Variants in TENM4 observed in about 807,000 individuals in gnomAD.
The protein encoded by TENM4 is teneurin-4.
In TENM4, 82 loss-of-function variants were observed where a neutral mutation model predicts 243.3. That is an observed-to-expected ratio of 0.34 (90% CI 0.28 to 0.40). The LOEUF (loss-of-function observed/expected upper bound fraction) is 0.40. Among genes scored for constraint, TENM4 ranks in the 10% least tolerant of loss-of-function variants. TENM4 has a pLI of 1.00. For synonymous variants in TENM4, 1,412 were observed against 1,456.3 expected, an observed-to-expected ratio of 0.97 and a Z score of 0.69; for missense variants, 3,138 against 3,673.3, an observed-to-expected ratio of 0.85 and a Z score of 3.77.
At chr11:79,355,255 A>G (rs1396290028) in intron 1 of TENM4, among the ~76,000 whole-genome samples, 1 of 152,180 alleles carries the variant, frequency 6.6e-6, no homozygotes, top group Non-Finnish European at 1.5e-5. Context: ...ACCCTCAGCC[A>G]GTCATGGTGA....
At chr11:79,364,125 C>A (rs374234240) in intron 1 of TENM4, among the ~76,000 whole-genome samples, 28 of 152,288 alleles carry the variant, frequency 1.8e-4, no homozygotes, top group African/African-American at 6.7e-4. Flanking sequence ...TAAGTTACAT[C>A]ATTGAGGAGA....
At chr11:78,666,849 G>A (rs1858170086) in intron 32 of TENM4, among the ~76,000 whole-genome samples, 1 of 152,214 alleles carries the variant, frequency 6.6e-6, no homozygotes, top group East Asian at 1.9e-4. Context: ...ATAGCATAGA[G>A]AGTTAGTCAT....
chr11:78,959,571 C>A (rs1379698839), intron 6 of TENM4, among the ~76,000 whole-genome samples: 1 of 152,066 alleles, frequency 6.6e-6, no homozygotes, highest in Non-Finnish European at 1.5e-5. Context: ...TGATCCCAAC[C>A]CCAGAGGAAC....
intron 6 of TENM4, among the ~76,000 whole-genome samples, chr11:79,043,488 G>C (rs1051173495): frequency 2.2e-4 from 33 of 152,178 alleles, no homozygotes; most frequent in African/African-American, 7.9e-4. Context: ...AGACTGTGTG[G>C]AACAAAGTCT....
At chr11:79,250,078 C>T (rs975355612) in intron 2 of TENM4, among the ~76,000 whole-genome samples, 5 of 152,144 alleles carry the variant, frequency 3.3e-5, no homozygotes, top group Non-Finnish European at 5.9e-5. Context: ...CTCTGTCTCC[C>T]CTGTTCAAGC....
At chr11:78,771,808 A>G (rs550915702) in intron 17 of TENM4, among the ~76,000 whole-genome samples, 20 of 152,310 alleles carry the variant, frequency 1.3e-4, no homozygotes, top group African/African-American at 4.8e-4. Context: ...GCCATTGTGA[A>G]ACACTAACTA....
chr11:79,141,524 G>A (rs1862284928), intron 4 of TENM4, among the ~76,000 whole-genome samples: 1 of 151,964 alleles, frequency 6.6e-6, no homozygotes, highest in Non-Finnish European at 1.5e-5. Context: ...AGAAAAGCCT[G>A]GGACCTGATG....
intron 6 of TENM4, among the ~76,000 whole-genome samples, chr11:79,038,157 C>G (rs191123358): frequency 2.0e-5 from 3 of 152,302 alleles, no homozygotes. Context: ...TAGGGCCTGC[C>G]TAGAGTAGGT....
At chr11:79,081,676 G>A (rs549205757) in intron 4 of TENM4, among the ~76,000 whole-genome samples, 129 of 152,258 alleles carry the variant, frequency 8.5e-4, no homozygotes, top group South Asian at 3.1e-3. Context: ...GGATGGAACT[G>A]GATCAAGCTC....
intron 1 of TENM4, among the ~76,000 whole-genome samples, chr11:79,306,450 G>A (rs1329917237): frequency 6.6e-6 from 1 of 152,204 alleles, no homozygotes; most frequent in Non-Finnish European, 1.5e-5. Flanking sequence ...GAGGGAAGGT[G>A]TGTGGGGAAA....
chr11:78,836,244 G>C (rs1406214115), intron 12 of TENM4, among the ~76,000 whole-genome samples: 1 of 152,202 alleles, frequency 6.6e-6, no homozygotes, highest in African/African-American at 2.4e-5. Context: ...CAGCTACTCA[G>C]GAGGCTGGGG....
At position 79,438,520 on chromosome 11, in the gene TENM4, T is replaced by A. The variant is rs1000439284; in HGVS notation, c.-321+1989A>T. Reference sequence around the variant, plus strand: ...CAGCCCGGCAGAGCCAGCGTTCTACTCCCTCTAACCCCTCGCCAGCGTGGG... The same window carrying A: ...CAGCCCGGCAGAGCCAGCGTTCTACACCCTCTAACCCCTCGCCAGCGTGGG... On this transcript the variant is annotated intron_variant, in intron 1 of 33. Transcript: ENST00000278550. The surrounding 1 kb of genome is among the most constrained non-coding windows in gnomAD (Gnocchi z 4.1). 6.6e-6 allele frequency among the ~76,000 whole-genome samples: 1 copy of A among 152,136 alleles called. No individual in the cohort carries two copies. The highest frequency in any genetic ancestry group is 1.5e-5 in the Non-Finnish European group (1 of 68,032).
intron 16 of TENM4, among the ~76,000 whole-genome samples, chr11:78,778,895 A>C (rs1046106917): frequency 6.6e-6 from 1 of 152,222 alleles, no homozygotes; most frequent in Non-Finnish European, 1.5e-5. Context: ...AAACAAGAAG[A>C]CATATGAATA....
rs529890091 is a variant in TENM4 at position 79,421,371 on chromosome 11, CTTTA to C, written c.-321+19134_-321+19137del. On this transcript the variant is annotated intron_variant, in intron 1 of 33. Transcript: ENST00000278550. ...AGGAATTTACCTGTGTCAAATATTA[CTTTA>C]TTTAACAGAATGTGATATCGCTTGA... Among the ~76,000 whole-genome samples, 35 of 152,296 alleles carry C rather than the reference CTTTA, an allele frequency of 2.3e-4. No individual in the cohort carries two copies. In the South Asian group the frequency reaches 6.8e-3, roughly 30 times the overall value.
intron 6 of TENM4, among the ~76,000 whole-genome samples, chr11:79,041,544 A>G (rs894696652): frequency 4.0e-5 from 6 of 151,844 alleles, no homozygotes; most frequent in Non-Finnish European, 8.8e-5. Context: ...CCTGGAGAAG[A>G]TTCTTTTTAA....
Position 78,656,040 on chromosome 11 carries a change from G to A in TENM4, c.*2018C>T, listed in dbSNP as rs1439762952. On this transcript the variant is annotated 3_prime_UTR_variant, in exon 34 of 34. Coordinates refer to ENST00000278550, the MANE Select transcript of TENM4 (RefSeq NM_001098816.3). Reference sequence around the variant, plus strand: ...GGCTTTTTTTTTGGAAACAGGAAGAGCACTTAGCGAAACACATCCTCTAAT... The same window carrying A: ...GGCTTTTTTTTTGGAAACAGGAAGAACACTTAGCGAAACACATCCTCTAAT... The A allele has an allele frequency of 6.6e-6, 1 of 152,140 alleles. No homozygotes were observed. The highest frequency in any genetic ancestry group is 2.4e-5 in the African/African-American group (1 of 41,432). 9.4% of individuals were successfully genotyped at this position (152,140 alleles called of 1,614,324 possible). A position where few individuals can be genotyped will look rare whatever the true frequency, so the allele number is the denominator to read the frequency against.
At chr11:79,312,962 G>T (rs757646957) in intron 1 of TENM4, among the ~76,000 whole-genome samples, 1 of 152,196 alleles carries the variant, frequency 6.6e-6, no homozygotes, top group Non-Finnish European at 1.5e-5. Flanking sequence ...TTTCCATCAG[G>T]ATTCGCTGCC....
rs145142408 is a variant in TENM4, at chr11:79,178,616, C to T, written c.-162-29810G>A. Among the ~76,000 whole-genome samples, 5 of 152,274 alleles carry T rather than the reference C, an allele frequency of 3.3e-5. No homozygotes were observed. The South Asian group carries it at 1.0e-3, about 32-fold the overall frequency. On this transcript the variant is annotated intron_variant, in intron 3 of 33. Transcript: ENST00000278550. ...GAGTCATATGAGGACTGAGCAAGGACCACTGCATATAGCAACATGCAGGTC... is the reference window on the plus strand; with the variant it reads ...GAGTCATATGAGGACTGAGCAAGGATCACTGCATATAGCAACATGCAGGTC...
chr11:78,713,467 G>A (rs1859447594), intron 25 of TENM4, among the ~76,000 whole-genome samples: 1 of 152,232 alleles, frequency 6.6e-6, no homozygotes, highest in African/African-American at 2.4e-5. Flanking sequence ...CTGCAGAGAT[G>A]CCTTGGGGAG....
Sources: allele counts gnomAD v4.1 joint callset (sites outside exome capture counted in the v4.1 genomes callset), GRCh38; gene constraint gnomAD v4.1.1; non-coding constraint Gnocchi (gnomAD v3.1); transcripts MANE v1.5; gene names NCBI Gene and HGNC (gene_info 2026-07-23, HGNC 2026-07-21).